FRAS1: variants seen among roughly 807,000 people sequenced by gnomAD.
FRAS1 encodes extracellular matrix organizing protein FRAS1.
In FRAS1, 290 loss-of-function variants were observed where a neutral mutation model predicts 435.2. That is an observed-to-expected ratio of 0.67 (90% confidence interval 0.61 to 0.73). The LOEUF (loss-of-function observed/expected upper bound fraction) is 0.73, where lower values mean the gene tolerates loss of function less well. FRAS1 is among the 30% of genes least tolerant of loss of function. The pLI, the probability that FRAS1 is intolerant of heterozygous loss-of-function variation, is 0.00. For synonymous variants in FRAS1, 1,800 were observed against 1,851.0 expected (o/e 0.97, Z 0.71); for missense variants, 4,860 against 5,001.5 (o/e 0.97, Z 0.85).
chr4:78,156,267 C>G (rs1422492742), intron 2 of FRAS1, among the ~76,000 whole-genome samples: 1 of 151,464 alleles, frequency 6.6e-6, no homozygotes, highest in Non-Finnish European at 1.5e-5. Context: ...AGAACATTTA[C>G]AAAGCTTTAA....
chr4:78,294,862 ATAAT>A (rs1728077208), intron 14 of FRAS1, among the ~76,000 whole-genome samples: 1 of 152,224 alleles, frequency 6.6e-6, no homozygotes, highest in Non-Finnish European at 1.5e-5. Context: ...CCAAAAAAAA[ATAAT>A]TAAAGTCAAT....
intron 20 of FRAS1, among the ~76,000 whole-genome samples, chr4:78,338,959 C>T (rs1367897655): frequency 1.3e-5 from 2 of 152,236 alleles, no homozygotes; most frequent in South Asian, 2.1e-4. Flanking sequence ...CACAGGGCTG[C>T]AGCCCAGAAT....
chr4:78,134,099 C>T (rs1719819353), intron 2 of FRAS1, among the ~76,000 whole-genome samples: 1 of 151,818 alleles, frequency 6.6e-6, no homozygotes, highest in South Asian at 2.1e-4. Context: ...GCTGGGACTT[C>T]AGGCGCCCAC....
chr4:78,439,134 G>T, intron 40 of FRAS1, 70 bp downstream of exon 40: 1 of 1,353,290 alleles, frequency 7.4e-7, no homozygotes, highest in Non-Finnish European at 1.0e-6. Context: ...TGTAAATGAA[G>T]GATTTCTGCC....
intron 29 of FRAS1, among the ~76,000 whole-genome samples, chr4:78,398,560 C>G (rs1732762177): frequency 6.6e-6 from 1 of 152,174 alleles, no homozygotes; most frequent in Non-Finnish European, 1.5e-5. Flanking sequence ...TGTCACACTG[C>G]CTACTTGCTT....
At chr4:78,396,111 A>G (rs1732652294) in intron 29 of FRAS1, among the ~76,000 whole-genome samples, 1 of 152,106 alleles carries the variant, frequency 6.6e-6, no homozygotes, top group South Asian at 2.1e-4. Flanking sequence ...CTCCAATTGC[A>G]TACAAAACTG....
chr4:78,119,566 A>G (rs573891241), intron 2 of FRAS1, among the ~76,000 whole-genome samples: 3 of 152,290 alleles, frequency 2.0e-5, no homozygotes, highest in Middle Eastern at 6.8e-3. Context: ...TATAGATATC[A>G]CATTTTCTTT....
chr4:78,529,188 G>T (rs918208245), intron 70 of FRAS1, among the ~76,000 whole-genome samples: 1 of 152,062 alleles, frequency 6.6e-6, no homozygotes, highest in African/African-American at 2.4e-5. Flanking sequence ...ATTCATGGCA[G>T]GAACAATGCC....
intron 14 of FRAS1, among the ~76,000 whole-genome samples, chr4:78,291,490 C>T (rs563726471): frequency 5.6e-4 from 86 of 152,294 alleles, no homozygotes; most frequent in African/African-American, 1.8e-3. Context: ...ACAGGCCACA[C>T]ACTGAAACTG....
In FRAS1 at chr4:78,185,802, T is replaced by G. The variant is rs1302876106; in HGVS notation, c.109-51708T>G. 2.6e-5 allele frequency among the ~76,000 whole-genome samples: 4 copies of G among 152,226 alleles called. No individual in the cohort carries two copies. The East Asian group carries it at 7.7e-4, about 29-fold the overall frequency. ...AACCTTGGCTTTGACTCTTGTCTGT[T>G]TGTGATTTCTGTGTCTTTGTTCTCA... On this transcript the variant is annotated intron_variant, in intron 2 of 73. Coordinates refer to ENST00000512123, the MANE Select transcript of FRAS1 (RefSeq NM_025074.7).
At chr4:78,105,184 G>A (rs1004278203) in intron 2 of FRAS1, among the ~76,000 whole-genome samples, 19 of 152,146 alleles carry the variant, frequency 1.2e-4, no homozygotes, top group Non-Finnish European at 2.6e-4. Flanking sequence ...GCTTGGCTTG[G>A]CAGAGTCCTC....
intron 2 of FRAS1, among the ~76,000 whole-genome samples, chr4:78,094,008 C>T (rs546874673): frequency 6.6e-6 from 1 of 151,240 alleles, no homozygotes; most frequent in Non-Finnish European, 1.5e-5. Flanking sequence ...GATGGCCATT[C>T]TTGGGTATTA....
intron 60 of FRAS1, among the ~76,000 whole-genome samples, chr4:78,498,051 G>T (rs1471967039): frequency 6.6e-6 from 1 of 152,180 alleles, no homozygotes; most frequent in Non-Finnish European, 1.5e-5. Flanking sequence ...GAGAACACAT[G>T]GACACAGGGA....
At chr4:78,229,361 G>T (rs372289850) in intron 2 of FRAS1, among the ~76,000 whole-genome samples, 2 of 147,498 alleles carry the variant, frequency 1.4e-5, no homozygotes, top group Non-Finnish European at 3.0e-5. Flanking sequence ...GCCTGGCTTT[G>T]TGGAAGCAGG....
intron 2 of FRAS1, among the ~76,000 whole-genome samples, chr4:78,183,993 G>A (rs375256334): frequency 6.6e-6 from 1 of 152,130 alleles, no homozygotes; most frequent in Non-Finnish European, 1.5e-5. Context: ...GACCAGTGAC[G>A]TTAGTATCAA....
chr4:78,527,454 AG>A (rs1418430382), intron 70 of FRAS1, among the ~76,000 whole-genome samples: 1 of 152,228 alleles, frequency 6.6e-6, no homozygotes, highest in Non-Finnish European at 1.5e-5. Flanking sequence ...GGCAGTTTAT[AG>A]TCTAGGGTCA....
At chr4:78,202,906 C>T (rs373745132) in intron 2 of FRAS1, among the ~76,000 whole-genome samples, 9 of 152,334 alleles carry the variant, frequency 5.9e-5, no homozygotes, top group African/African-American at 2.2e-4. Flanking sequence ...TGTGGTTTCC[C>T]TCCTCTTGAT....
At chr4:78,124,885 C>A (rs1271326638) in intron 2 of FRAS1, among the ~76,000 whole-genome samples, 1 of 151,990 alleles carries the variant, frequency 6.6e-6, no homozygotes. Flanking sequence ...CACTTTTACT[C>A]TTTATTAGTC....
chr4:78,148,140 T>A (rs1720492996), intron 2 of FRAS1, among the ~76,000 whole-genome samples: 1 of 147,604 alleles, frequency 6.8e-6, no homozygotes, highest in Admixed American at 6.7e-5. Context: ...GGATTGTTGA[T>A]TTTTTTTTTA....
Sources: allele counts gnomAD v4.1 joint callset (sites outside exome capture counted in the v4.1 genomes callset), GRCh38; gene constraint gnomAD v4.1.1; transcripts MANE v1.5; gene names NCBI Gene and HGNC (gene_info 2026-07-23, HGNC 2026-07-21).